The following FHIT variants were observed in gnomAD, a reference collection of about 807,000 sequenced individuals.
FHIT encodes bis(5'-adenosyl)-triphosphatase.
Under a neutral mutation model 17.9 loss-of-function variants are expected in FHIT, and 19 were observed. The ratio of observed to expected loss-of-function variants is 1.06; its 90% CI spans 0.74 to 1.56. FHIT has a LOEUF of 1.56. Among genes scored for constraint, FHIT ranks in the 40% most tolerant of loss-of-function variants. FHIT has a pLI of 0.00. For missense variants in FHIT, 248 were observed against 189.2 expected (o/e 1.31, Z -1.82); for synonymous variants, 81 against 69.7 (o/e 1.16, Z -0.81).
intron 5 of FHIT, among the ~76,000 whole-genome samples, chr3:60,187,465 G>A (rs963369551): frequency 1.3e-5 from 2 of 152,092 alleles, no homozygotes; most frequent in African/African-American, 2.4e-5. Flanking sequence ...AAGCCTTCAC[G>A]GGTTTCCTGT....
At chr3:60,847,895 G>C (rs1189744984) in intron 3 of FHIT, among the ~76,000 whole-genome samples, 1 of 152,052 alleles carries the variant, frequency 6.6e-6, no homozygotes, top group Non-Finnish European at 1.5e-5. Context: ...ATGAAATAAA[G>C]AACTTGAAGC....
At chr3:61,130,372 G>A (rs973164422) in intron 2 of FHIT, among the ~76,000 whole-genome samples, 11 of 152,230 alleles carry the variant, frequency 7.2e-5, no homozygotes, top group African/African-American at 2.2e-4. Context: ...TCAGTGCTTC[G>A]TTTAACTTGT....
chr3:60,186,124 T>C (rs1336835107), intron 5 of FHIT, among the ~76,000 whole-genome samples: 4 of 152,328 alleles, frequency 2.6e-5, no homozygotes, highest in African/African-American at 7.2e-5. Flanking sequence ...GTCTTTTGCA[T>C]AGCTTAAGTT....
At chr3:59,751,205 A>G (rs542549715) in intron 9 of FHIT, 1 of 171,606 alleles carries the variant, frequency 5.8e-6, no homozygotes, top group African/African-American at 2.5e-5. Context: ...CTATATTTAT[A>G]AACAAATTTC....
intron 5 of FHIT, among the ~76,000 whole-genome samples, chr3:60,060,778 G>A (rs570919009): frequency 1.3e-4 from 20 of 152,298 alleles, no homozygotes; most frequent in South Asian, 8.3e-4. Context: ...TTTTCTACTG[G>A]AGTGTACCAG....
chr3:59,859,548 T>C (rs1415566179), intron 8 of FHIT, among the ~76,000 whole-genome samples: 1 of 152,050 alleles, frequency 6.6e-6, no homozygotes, highest in Admixed American at 6.5e-5. Flanking sequence ...TGAAACTCCG[T>C]CTCTACTAAA....
At chr3:61,051,249 CTGTTTGTTTGTTTGTT>C (rs57097773) in intron 2 of FHIT, among the ~76,000 whole-genome samples, 8 of 150,802 alleles carry the variant, frequency 5.3e-5, no homozygotes, top group Non-Finnish European at 7.4e-5. Context: ...ACCACTATCT[CTGTTTGTTTGTTTGTT>C]TGTTTGTTTG....
At chr3:60,635,058 A>G (rs115984637) in intron 4 of FHIT, among the ~76,000 whole-genome samples, 274 of 152,026 alleles carry the variant, frequency 1.8e-3, no homozygotes, top group Middle Eastern at 3.4e-3. Context: ...CAATTGAAAA[A>G]TGTTTCCAAT....
intron 2 of FHIT, among the ~76,000 whole-genome samples, chr3:61,081,090 C>A (rs113675482): frequency 2.6e-3 from 394 of 152,218 alleles, no homozygotes; most frequent in Admixed American, 4.6e-3. Context: ...TGGGCCCTAG[C>A]AAATCTCCTA....
chr3:60,252,831 A>AG (rs1393807287), intron 5 of FHIT, among the ~76,000 whole-genome samples: 1 of 150,946 alleles, frequency 6.6e-6, no homozygotes, highest in Non-Finnish European at 1.5e-5. Context: ...TCAACTTAAA[A>AG]AAAAATACAA....
intron 5 of FHIT, among the ~76,000 whole-genome samples, chr3:60,225,263 C>T (rs1052530722): frequency 2.0e-5 from 3 of 152,126 alleles, no homozygotes; most frequent in African/African-American, 7.2e-5. Context: ...TATCCAGTGA[C>T]GTGGTTAACT....
intron 8 of FHIT, among the ~76,000 whole-genome samples, chr3:59,918,857 G>T (rs1206811983): frequency 6.6e-6 from 1 of 152,062 alleles, no homozygotes; most frequent in Non-Finnish European, 1.5e-5. Flanking sequence ...AAAATACTTT[G>T]CAGGCAAAAA....
At chr3:61,218,547 T>C (rs1377087873) in intron 1 of FHIT, among the ~76,000 whole-genome samples, 1 of 151,952 alleles carries the variant, frequency 6.6e-6, no homozygotes, top group Non-Finnish European at 1.5e-5. Flanking sequence ...TTTGTTTGTA[T>C]AGTTTTTAAA....
chr3:60,687,383 A>G (rs1469820013), intron 4 of FHIT, among the ~76,000 whole-genome samples: 1 of 152,128 alleles, frequency 6.6e-6, no homozygotes, highest in African/African-American at 2.4e-5. Flanking sequence ...ACAGTTTATT[A>G]TATAGTTTCC....
At chr3:60,700,376 G>C (rs1553701822) in intron 4 of FHIT, among the ~76,000 whole-genome samples, 1 of 152,068 alleles carries the variant, frequency 6.6e-6, no homozygotes, top group Non-Finnish European at 1.5e-5. Context: ...GTTCCAATTA[G>C]TCAAATGATT....
At chr3:60,176,449 C>T (rs1458914843) in intron 5 of FHIT, among the ~76,000 whole-genome samples, 1 of 152,166 alleles carries the variant, frequency 6.6e-6, no homozygotes, top group Non-Finnish European at 1.5e-5. Context: ...GAAATACTCT[C>T]TAGCATAGTT....
intron 3 of FHIT, among the ~76,000 whole-genome samples, chr3:60,842,494 C>T (rs143184424): frequency 9.9e-5 from 15 of 151,314 alleles, no homozygotes; most frequent in Admixed American, 2.0e-4. Flanking sequence ...TAGGCTTCTT[C>T]GCAAGGTATA....
chr3:59,850,657 G>A (rs1167437749), intron 8 of FHIT, among the ~76,000 whole-genome samples: 1 of 152,120 alleles, frequency 6.6e-6, no homozygotes, highest in African/African-American at 2.4e-5. Flanking sequence ...CTTTATTTAA[G>A]ATATCAATTA....
At chr3:60,028,722 A>G (rs1700858451) in intron 5 of FHIT, among the ~76,000 whole-genome samples, 1 of 152,210 alleles carries the variant, frequency 6.6e-6, no homozygotes, top group African/African-American at 2.4e-5. Context: ...GGGAATGCCA[A>G]TTGCGCTGAT....
Sources: allele counts gnomAD v4.1 joint callset (sites outside exome capture counted in the v4.1 genomes callset), GRCh38; gene constraint gnomAD v4.1.1; transcripts MANE v1.5; gene names NCBI Gene and HGNC (gene_info 2026-07-23, HGNC 2026-07-21).